Variants in MYO16 observed in about 807,000 individuals in gnomAD.
MYO16 encodes myosin XVI.
In MYO16, 94 loss-of-function variants were observed where a neutral mutation model predicts 205.3. The ratio of observed to expected loss-of-function variants is 0.46; its 90% CI spans 0.39 to 0.54. The LOEUF is 0.54. Among genes scored for constraint, MYO16 ranks in the 20% least tolerant of loss-of-function variants. The probability of loss-of-function intolerance (pLI) is 0.00; values close to 1 mark genes in which losing one functional copy is unlikely to be tolerated. For synonymous variants in MYO16, 988 were observed against 954.0 expected, an observed-to-expected ratio of 1.04 and a Z score of -0.66; for missense variants, 2,315 against 2,387.5, an observed-to-expected ratio of 0.97 and a Z score of 0.63.
At chr13:108,593,282 G>A (rs559061697), upstream of MYO16, among the ~76,000 whole-genome samples, 2 of 152,260 alleles carry the variant, frequency 1.3e-5, no homozygotes, top group Non-Finnish European at 2.9e-5. Flanking sequence ...AGATGGAAAC[G>A]TAAGCTTCCA....
chr13:108,504,116 T>C, the MYO16 span, among the ~76,000 whole-genome samples: 3 of 152,158 alleles, frequency 2.0e-5, no homozygotes, highest in Middle Eastern at 0.01. Flanking sequence ...GATTTTTGTT[T>C]TGTTTTGTTT....
upstream of MYO16, among the ~76,000 whole-genome samples, chr13:108,594,143 C>T (rs950057765): frequency 2.0e-5 from 3 of 152,206 alleles, no homozygotes; most frequent in Admixed American, 1.3e-4. Flanking sequence ...ACAGCCTTAG[C>T]CTGGCTCTTG....
chr13:109,139,080 A>G (rs1876913347), intron 31 of MYO16, among the ~76,000 whole-genome samples: 1 of 152,102 alleles, frequency 6.6e-6, no homozygotes, highest in Admixed American at 6.5e-5. Flanking sequence ...TCAGCCTCCC[A>G]AAGTGCTGGG....
chr13:108,542,702 T>A, the MYO16 span, among the ~76,000 whole-genome samples: 1 of 152,240 alleles, frequency 6.6e-6, no homozygotes, highest in East Asian at 1.9e-4. Context: ...TGGAGGATTT[T>A]CCATAATAAC....
At position 108,886,048 on chromosome 13, in the gene MYO16, C is replaced by T. The variant is rs149371603; in HGVS notation, c.1554-2324C>T. ...TGTCGCCCAGGCTGGAGTGCAGTGG[C>T]GCGATCTGGGCTCACTGCAAGCTCC... On this transcript the variant is annotated intron_variant, in intron 13 of 34. Coordinates refer to ENST00000457511, the MANE Select transcript of MYO16 (RefSeq NM_001198950.3). Among the ~76,000 whole-genome samples the T allele has an allele frequency of 5.4e-3, 815 of 151,950 alleles. 12 individuals are homozygous for T. The highest frequency in any genetic ancestry group is 0.018 in the African/African-American group (736 of 41,432).
At chr13:108,981,418 G>A (rs1884443876) in intron 20 of MYO16, among the ~76,000 whole-genome samples, 1 of 152,248 alleles carries the variant, frequency 6.6e-6, no homozygotes, top group Non-Finnish European at 1.5e-5. Flanking sequence ...TAAGTTTGAT[G>A]CTTCTCTTAT....
intron 12 of MYO16, among the ~76,000 whole-genome samples, chr13:108,882,522 A>G (rs1208285385): frequency 1.3e-5 from 2 of 152,252 alleles, no homozygotes; most frequent in East Asian, 1.9e-4. Context: ...AAAATTTACT[A>G]GAAATTTAAA....
intron 34 of MYO16, among the ~76,000 whole-genome samples, 192 bp from the exon 35 acceptor site, chr13:109,206,417 C>T (rs1880599963): frequency 6.6e-6 from 1 of 152,166 alleles, no homozygotes; most frequent in African/African-American, 2.4e-5. Context: ...CAGTCATTGC[C>T]TTAACTCAGC....
At chr13:108,992,093 G>A (rs192769701) in intron 20 of MYO16, among the ~76,000 whole-genome samples, 45 of 152,184 alleles carry the variant, frequency 3.0e-4, no homozygotes, top group Admixed American at 2.9e-3. Context: ...ATTGGACAAA[G>A]GTCTAATATC....
At chr13:108,627,719 T>C (rs1481839321), upstream of MYO16, among the ~76,000 whole-genome samples, 1 of 152,210 alleles carries the variant, frequency 6.6e-6, no homozygotes, top group African/African-American at 2.4e-5. Flanking sequence ...TTTAATAACA[T>C]ATTTTCTTTG....
chr13:108,998,182 C>A (rs1885096850), intron 21 of MYO16, among the ~76,000 whole-genome samples: 1 of 152,120 alleles, frequency 6.6e-6, no homozygotes, highest in Non-Finnish European at 1.5e-5. Flanking sequence ...CTTAATTGGA[C>A]TTTTCCACAT....
At chr13:108,678,012 C>T (rs1321551438) in intron 2 of MYO16, among the ~76,000 whole-genome samples, 6 of 152,284 alleles carry the variant, frequency 3.9e-5, no homozygotes, top group Admixed American at 1.3e-4. Context: ...GCTTAGTGTA[C>T]AAGTGCAGCT....
intron 9 of MYO16, among the ~76,000 whole-genome samples, chr13:108,838,946 T>C (rs1877091882): frequency 6.6e-6 from 1 of 152,088 alleles, no homozygotes; most frequent in African/African-American, 2.4e-5. Flanking sequence ...GGAAGTAATA[T>C]TTTATCATTT....
In MYO16 at chr13:108,648,551, A is replaced by G. The variant is rs528142925; in HGVS notation, c.29-17335A>G. On this transcript the variant is annotated intron_variant, in intron 1 of 34. Coordinates refer to ENST00000457511, the MANE Select transcript of MYO16 (RefSeq NM_001198950.3). Reference sequence around the variant, plus strand: ...ATATGAAGCTTTCTGATATCAGAAAATGTATTATTTAAAAATAAATAATAT... The same window carrying G: ...ATATGAAGCTTTCTGATATCAGAAAGTGTATTATTTAAAAATAAATAATAT... 4.6e-5 allele frequency among the ~76,000 whole-genome samples: 7 copies of G among 151,760 alleles called. No individual in the cohort carries two copies. In the South Asian group the frequency reaches 1.4e-3, roughly 31 times the overall value.
At position 108,844,355 on chromosome 13, in the gene MYO16, G is replaced by A; in HGVS notation, c.1110G>A (p.Val370=). The change falls in exon 10 of 35, where the codon GTG becomes GTA. Residue 370 remains valine, a synonymous_variant. Transcript: ENST00000457511. Reference sequence around the variant, plus strand: ...TTTTTTCCTGTAGCAGTCCCCTGGTGTTACCAATTGCCAAGCAAGACAGTT... The same window carrying A: ...TTTTTTCCTGTAGCAGTCCCCTGGTATTACCAATTGCCAAGCAAGACAGTT... ...PVLSSKLSPL[V]LPIAKQDSLL... The A allele has an allele frequency of 1.9e-6, 3 of 1,612,418 alleles. No individual in the cohort carries two copies. Among genetic ancestry groups the A allele is most frequent in the Non-Finnish European group, 1.7e-6 (2 of 1,178,976 alleles).
intron 23 of MYO16, among the ~76,000 whole-genome samples, chr13:109,033,658 A>T (rs1886616901): frequency 6.6e-6 from 1 of 152,202 alleles, no homozygotes; most frequent in Admixed American, 6.5e-5. Context: ...CCCCAGGAAA[A>T]GTTAAGCAGA....
At chr13:108,614,590 T>C (rs1879285310) in intron 1 of MYO16, among the ~76,000 whole-genome samples, 1 of 151,920 alleles carries the variant, frequency 6.6e-6, no homozygotes, top group African/African-American at 2.4e-5. Flanking sequence ...AGCTACAAAA[T>C]AATCAAAACA....
At chr13:108,645,301 A>C (rs1880702042) in intron 1 of MYO16, among the ~76,000 whole-genome samples, 1 of 152,256 alleles carries the variant, frequency 6.6e-6, no homozygotes, top group Admixed American at 6.5e-5. Context: ...ATCAGTACAC[A>C]TAAAAGACGG....
chr13:108,506,573 T>A, the MYO16 span, among the ~76,000 whole-genome samples: 1 of 151,300 alleles, frequency 6.6e-6, no homozygotes, highest in African/African-American at 2.4e-5. Context: ...TATGTGTGTA[T>A]GTGTGTGTGT....
Sources: gnomAD v4.1 joint callset for allele counts (sites outside exome capture counted in the v4.1 genomes callset) on GRCh38, gnomAD v4.1.1 for gene constraint, MANE v1.5 for transcripts, NCBI Gene and HGNC (gene_info 2026-07-23, HGNC 2026-07-21) for gene names.